Variants in SDCCAG8 observed in about 807,000 individuals in gnomAD.
The protein encoded by SDCCAG8 is SHH signaling and ciliogenesis regulator SDCCAG8, also known as serologically defined colon cancer antigen 8.
Under a neutral mutation model 101.8 loss-of-function variants are expected in SDCCAG8, and 74 were observed. The observed-to-expected ratio is 0.73, with a 90% CI of 0.60 to 0.88. The LOEUF is 0.88. Among genes scored for constraint, SDCCAG8 ranks in the 40% least tolerant of loss-of-function variants. The probability of loss-of-function intolerance (pLI) is 0.00; values close to 1 mark genes in which losing one functional copy is unlikely to be tolerated. For missense variants in SDCCAG8, 787 were observed against 822.6 expected, an observed-to-expected ratio of 0.96 and a Z score of 0.53; for synonymous variants, 281 against 292.9, an observed-to-expected ratio of 0.96 and a Z score of 0.41.
rs183098872 is a variant in SDCCAG8, at chr1:243,284,986, C to T, written c.421-1286C>T. Among the ~76,000 whole-genome samples, 137 of 152,096 alleles carry T rather than the reference C, an allele frequency of 9.0e-4. 1 individual carries two copies. The highest frequency in any genetic ancestry group is 4.2e-3 in the Admixed American group (64 of 15,282). On this transcript the variant is annotated intron_variant, in intron 4 of 17. Coordinates refer to ENST00000366541, the MANE Select transcript of SDCCAG8 (RefSeq NM_006642.5). ...AAACCTTGGCCTCCCAGGTTCAAGC[C>T]ATTCTCCTACCTCAGCCTCCTGAGT... is the stretch of plus-strand genomic sequence containing the variant.
At chr1:243,315,946 T>G (rs1186100188) in intron 8 of SDCCAG8, among the ~76,000 whole-genome samples, 4 of 152,234 alleles carry the variant, frequency 2.6e-5, no homozygotes, top group African/African-American at 9.6e-5. Context: ...ACTGGATATT[T>G]TTATTCAGTT....
intron 9 of SDCCAG8, chr1:243,318,051 G>A: frequency 2.2e-6 from 1 of 456,598 alleles, no homozygotes; most frequent in South Asian, 1.5e-5. Flanking sequence ...CTTCACAATA[G>A]CAAACGTAAA....
At chr1:243,275,826 T>C (rs992677356) in intron 4 of SDCCAG8, among the ~76,000 whole-genome samples, 7 of 151,626 alleles carry the variant, frequency 4.6e-5, no homozygotes, top group African/African-American at 1.7e-4. Context: ...TTGGGAATGT[T>C]TCTATGGGAG....
At chr1:243,441,168 AT>A (rs1187515727) in intron 16 of SDCCAG8, among the ~76,000 whole-genome samples, 2 of 152,150 alleles carry the variant, frequency 1.3e-5, no homozygotes, top group East Asian at 3.9e-4. Context: ...ACAAATGTAA[AT>A]TTTAATATTT....
intron 17 of SDCCAG8, among the ~76,000 whole-genome samples, chr1:243,495,198 C>A (rs1244461510): frequency 1.3e-5 from 2 of 152,214 alleles, no homozygotes; most frequent in African/African-American, 4.8e-5. Context: ...AGAGCCAGGG[C>A]CTCCACCCCG....
intron 13 of SDCCAG8, among the ~76,000 whole-genome samples, chr1:243,397,113 A>G (rs542491376): frequency 6.6e-6 from 1 of 152,328 alleles, no homozygotes. Context: ...CGGAAGGGGA[A>G]CCAGATGGAA....
At chr1:243,331,858 T>C (rs2074619893) in intron 10 of SDCCAG8, among the ~76,000 whole-genome samples, 12 of 148,262 alleles carry the variant, frequency 8.1e-5, no homozygotes, top group Admixed American at 8.0e-4. Flanking sequence ...AGTTTCCTCA[T>C]GAAGCTTACA....
intron 13 of SDCCAG8, among the ~76,000 whole-genome samples, chr1:243,379,524 AT>A (rs2147907957): frequency 6.6e-6 from 1 of 152,268 alleles, no homozygotes; most frequent in East Asian, 1.9e-4. Flanking sequence ...AGCATTGTGA[AT>A]TTGCTGCATT....
chr1:243,496,825 G>A (rs558255954), intron 17 of SDCCAG8, among the ~76,000 whole-genome samples: 10 of 152,384 alleles, frequency 6.6e-5, no homozygotes, highest in South Asian at 2.1e-4. Flanking sequence ...AGGGTTTGTG[G>A]AGAGATGACT....
chr1:243,484,946 A>T (rs1428559271), intron 16 of SDCCAG8, among the ~76,000 whole-genome samples: 1 of 152,064 alleles, frequency 6.6e-6, no homozygotes, highest in African/African-American at 2.4e-5. Context: ...TGGGAGGCTG[A>T]GGCAGGAGAA....
chr1:243,291,795 G>T (rs1294768624), intron 5 of SDCCAG8, among the ~76,000 whole-genome samples: 2 of 152,144 alleles, frequency 1.3e-5, no homozygotes, highest in African/African-American at 2.4e-5. Flanking sequence ...CACAGTATCA[G>T]ACCCACAGGT....
intron 4 of SDCCAG8, among the ~76,000 whole-genome samples, chr1:243,284,906 G>T (rs151095252): frequency 8.1e-4 from 122 of 151,268 alleles, no homozygotes; most frequent in African/African-American, 2.9e-3. Context: ...TTTTTGAGAC[G>T]GAGTCTCGCT....
chr1:243,301,471 C>G (rs115516084), intron 6 of SDCCAG8, among the ~76,000 whole-genome samples: 3,611 of 152,228 alleles, frequency 0.024, 64 homozygotes, highest in Non-Finnish European at 0.035. Flanking sequence ...GAAGCAAATT[C>G]ATGACATTAC....
Position 243,271,007 on chromosome 1 carries a change from CA to C in SDCCAG8, c.252del (p.Ala85GlnfsTer18), listed in dbSNP as rs766013756. 4.0e-5 allele frequency: 64 copies of C among 1,613,390 alleles called. No homozygotes were observed. The highest frequency in any genetic ancestry group is 5.3e-5 in the Non-Finnish European group (62 of 1,179,634). On this transcript the variant is annotated frameshift_variant, in exon 3 of 18. Coordinates refer to ENST00000366541, the MANE Select transcript of SDCCAG8 (RefSeq NM_006642.5). LOFTEE classifies it high-confidence loss of function. ...TCAGCTCAAAGATTTGTTGCGCCAA[CA>C]AGCAGATAAGGAAAGTGAAGTATCT... Reference protein sequence around the residue: ...VNQLKDLLRQQADKESEVSPS... With the variant: ...VNQLKDLLRQXADKESEVSPS...
chr1:243,361,917 T>C (rs900179488), intron 12 of SDCCAG8, among the ~76,000 whole-genome samples: 2 of 152,268 alleles, frequency 1.3e-5, no homozygotes, highest in African/African-American at 2.4e-5. Flanking sequence ...CAGAGACTTT[T>C]ACTTGTCTTA....
chr1:243,398,421 G>A (rs1054414755), intron 13 of SDCCAG8, among the ~76,000 whole-genome samples: 1 of 151,958 alleles, frequency 6.6e-6, no homozygotes, highest in Admixed American at 6.6e-5. Context: ...AAGGAAAAAT[G>A]GTTAGTGATT....
At chr1:243,414,924 A>G (rs896322607) in intron 13 of SDCCAG8, among the ~76,000 whole-genome samples, 1 of 151,696 alleles carries the variant, frequency 6.6e-6, no homozygotes, top group South Asian at 2.1e-4. Flanking sequence ...TGCTGCCAGC[A>G]TTGAGGTCCT....
chr1:243,277,120 C>G (rs1174955095), intron 4 of SDCCAG8, among the ~76,000 whole-genome samples: 2 of 152,170 alleles, frequency 1.3e-5, no homozygotes, highest in African/African-American at 4.8e-5. Flanking sequence ...ATTTGTGTGT[C>G]AGTTTTTGTG....
chr1:243,274,993 C>T (rs1323401344), intron 4 of SDCCAG8, among the ~76,000 whole-genome samples: 1 of 152,238 alleles, frequency 6.6e-6, no homozygotes, highest in Non-Finnish European at 1.5e-5. Context: ...ACCAATCATT[C>T]TCCCATACTT....
Sources: gnomAD v4.1 joint callset for allele counts (sites outside exome capture counted in the v4.1 genomes callset) on GRCh38, gnomAD v4.1.1 for gene constraint, MANE v1.5 for transcripts, NCBI Gene and HGNC (gene_info 2026-07-23, HGNC 2026-07-21) for gene names.